PRKG1: variants seen among roughly 807,000 people sequenced by gnomAD.
The protein encoded by PRKG1 is protein kinase cGMP-dependent 1.
In PRKG1, 35 loss-of-function variants were observed where a neutral mutation model predicts 88.1. The observed-to-expected ratio is 0.40, with a 90% CI of 0.30 to 0.53. The LOEUF (loss-of-function observed/expected upper bound fraction) is 0.53. Among genes scored for constraint, PRKG1 ranks in the 20% least tolerant of loss-of-function variants. PRKG1 has a pLI of 0.59. For missense variants in PRKG1, 540 were observed against 839.8 expected, an observed-to-expected ratio of 0.64 and a Z score of 4.41; for synonymous variants, 303 against 292.5, an observed-to-expected ratio of 1.04 and a Z score of -0.37.
At chr10:51,136,237 T>C (rs1006217282) in intron 1 of PRKG1, among the ~76,000 whole-genome samples, 2 of 152,014 alleles carry the variant, frequency 1.3e-5, no homozygotes, top group Non-Finnish European at 2.9e-5. Flanking sequence ...TAGGTGGTGA[T>C]GTTCCCAGTT....
chr10:52,153,814 C>T (rs1041287260), intron 8 of PRKG1, among the ~76,000 whole-genome samples: 11 of 152,088 alleles, frequency 7.2e-5, no homozygotes, highest in Non-Finnish European at 1.5e-5. Context: ...GGCATGATCT[C>T]GGCTCACTGC....
intron 3 of PRKG1, among the ~76,000 whole-genome samples, chr10:51,674,195 G>T (rs1840653123): frequency 6.6e-6 from 1 of 152,034 alleles, no homozygotes; most frequent in Non-Finnish European, 1.5e-5. Context: ...TATACTTTAA[G>T]TTCTGGGGTA....
chr10:51,033,761 T>A (rs1270066046), intron 1 of PRKG1, among the ~76,000 whole-genome samples: 2 of 152,172 alleles, frequency 1.3e-5, no homozygotes, highest in African/African-American at 4.8e-5. Flanking sequence ...AGAAAGGCCA[T>A]TTTTAATCTA....
At chr10:51,997,622 C>T (rs1025499029) in intron 5 of PRKG1, among the ~76,000 whole-genome samples, 1 of 151,916 alleles carries the variant, frequency 6.6e-6, no homozygotes, top group Non-Finnish European at 1.5e-5. Context: ...ATAATACATA[C>T]ATTAGTTAGC....
At chr10:51,948,531 TG>T (rs2133047450) in intron 5 of PRKG1, among the ~76,000 whole-genome samples, 1 of 110,150 alleles carries the variant, frequency 9.1e-6, no homozygotes, top group East Asian at 3.4e-4. Context: ...TCTCTGTGTG[TG>T]TGTGTGTGTG....
chr10:51,154,129 T>C (rs1370521210), intron 2 of PRKG1, among the ~76,000 whole-genome samples: 1 of 152,028 alleles, frequency 6.6e-6, no homozygotes, highest in African/African-American at 2.4e-5. Context: ...ATTTGTGTGA[T>C]AGTGTCCTAT....
At chr10:51,931,451 T>A (rs1842693576) in intron 5 of PRKG1, among the ~76,000 whole-genome samples, 1 of 152,036 alleles carries the variant, frequency 6.6e-6, no homozygotes, top group African/African-American at 2.4e-5. Context: ...CCCATCGCTA[T>A]AAAGAATAAA....
chr10:51,732,004 C>A (rs561570117), intron 3 of PRKG1, among the ~76,000 whole-genome samples: 1 of 142,074 alleles, frequency 7.0e-6, no homozygotes, highest in Non-Finnish European at 1.5e-5. Flanking sequence ...TCTCCCCCTC[C>A]GCCCCCGTCC....
At chr10:51,048,195 C>G (rs1302222236) in intron 1 of PRKG1, among the ~76,000 whole-genome samples, 1 of 151,984 alleles carries the variant, frequency 6.6e-6, no homozygotes, top group Non-Finnish European at 1.5e-5. Context: ...TTCCTTCTTC[C>G]TTTGTTCTTT....
chr10:52,138,350 A>C (rs918567771), intron 8 of PRKG1, among the ~76,000 whole-genome samples: 24 of 152,160 alleles, frequency 1.6e-4, no homozygotes, highest in Admixed American at 5.2e-4. Flanking sequence ...GATAATGTCA[A>C]GCTAAAATAT....
At chr10:51,403,623 T>G (rs905143948) in intron 2 of PRKG1, among the ~76,000 whole-genome samples, 3 of 152,168 alleles carry the variant, frequency 2.0e-5, no homozygotes, top group African/African-American at 7.2e-5. Context: ...AGCCAAGATG[T>G]GAACTGAACC....
intron 1 of PRKG1, among the ~76,000 whole-genome samples, chr10:51,052,586 C>T (rs1335108302): frequency 6.6e-6 from 1 of 152,132 alleles, no homozygotes; most frequent in East Asian, 1.9e-4. Context: ...CTCCATACTC[C>T]ACATTGGATT....
At chr10:51,890,270 C>T (rs1284533330) in intron 4 of PRKG1, among the ~76,000 whole-genome samples, 1 of 152,178 alleles carries the variant, frequency 6.6e-6, no homozygotes, top group Non-Finnish European at 1.5e-5. Context: ...TCACATTAAT[C>T]TGTCCTAATT....
chr10:51,157,033 C>T (rs1163320075), intron 2 of PRKG1, among the ~76,000 whole-genome samples: 3 of 151,936 alleles, frequency 2.0e-5, no homozygotes, highest in African/African-American at 4.8e-5. Flanking sequence ...TCATAAAATG[C>T]TTAACATGTG....
intron 3 of PRKG1, among the ~76,000 whole-genome samples, chr10:51,641,448 T>A (rs1239862902): frequency 6.6e-6 from 1 of 152,134 alleles, no homozygotes; most frequent in African/African-American, 2.4e-5. Context: ...AAACAAATGA[T>A]GTCTTCTCCA....
chr10:51,771,834 G>T (rs1277026058), intron 3 of PRKG1, among the ~76,000 whole-genome samples: 2 of 152,022 alleles, frequency 1.3e-5, no homozygotes, highest in Non-Finnish European at 2.9e-5. Context: ...TGCCCAGCTT[G>T]CAGAAATGCC....
intron 2 of PRKG1, among the ~76,000 whole-genome samples, chr10:51,274,909 C>T (rs1020302066): frequency 1.3e-5 from 2 of 152,174 alleles, no homozygotes; most frequent in Non-Finnish European, 2.9e-5. Flanking sequence ...TTGTCTCTGC[C>T]ACAACAAGCA....
chr10:51,405,433 AAG>A (rs1325647496), intron 2 of PRKG1, among the ~76,000 whole-genome samples: 2 of 152,210 alleles, frequency 1.3e-5, no homozygotes, highest in African/African-American at 4.8e-5. Context: ...AGTCAAATAA[AAG>A]AGATAGCCAC....
chr10:51,435,038 C>A (rs1838880977), intron 2 of PRKG1, among the ~76,000 whole-genome samples: 1 of 151,994 alleles, frequency 6.6e-6, no homozygotes, highest in Admixed American at 6.6e-5. Flanking sequence ...ATTTCTCTTT[C>A]TTTTCCAGTT....
Sources: allele counts gnomAD v4.1 joint callset (sites outside exome capture counted in the v4.1 genomes callset), GRCh38; gene constraint gnomAD v4.1.1; transcripts MANE v1.5; gene names NCBI Gene and HGNC (gene_info 2026-07-23, HGNC 2026-07-21).